MDGA2: variants seen among roughly 807,000 people sequenced by gnomAD.
The protein encoded by MDGA2 is MAM domain containing glycosylphosphatidylinositol anchor 2.
Under a neutral mutation model 117.8 loss-of-function variants are expected in MDGA2, and 40 were observed. The observed-to-expected ratio is 0.34, with a 90% CI of 0.26 to 0.44. The LOEUF (loss-of-function observed/expected upper bound fraction) is 0.44, where lower values mean the gene tolerates loss of function less well. MDGA2 is among the 20% of genes least tolerant of loss of function. MDGA2 has a pLI of 1.00. For missense variants in MDGA2, 1,123 were observed against 1,250.6 expected (o/e 0.90, Z 1.54); for synonymous variants, 452 against 439.0 (o/e 1.03, Z -0.37).
At chr14:47,286,194 A>C (rs182321688) in intron 2 of MDGA2, among the ~76,000 whole-genome samples, 1 of 152,264 alleles carries the variant, frequency 6.6e-6, no homozygotes, top group Non-Finnish European at 1.5e-5. Flanking sequence ...ATTGGAAGTA[A>C]CAATCACCTC....
chr14:47,516,503 G>C (rs1007334547), intron 1 of MDGA2, among the ~76,000 whole-genome samples: 5 of 152,148 alleles, frequency 3.3e-5, no homozygotes, highest in African/African-American at 1.2e-4. Context: ...ATATTCTTGA[G>C]TACAGAGTTT....
At chr14:47,249,585 C>G (rs10137863) in intron 2 of MDGA2, among the ~76,000 whole-genome samples, 21,803 of 152,188 alleles carry the variant, frequency 0.14, 1,832 homozygotes, top group South Asian at 0.27. Context: ...TTCAACCTCG[C>G]AGAGTGCTGG....
intron 5 of MDGA2, among the ~76,000 whole-genome samples, chr14:47,117,083 G>C (rs577354733): frequency 6.6e-5 from 10 of 152,066 alleles, no homozygotes; most frequent in African/African-American, 2.2e-4. Flanking sequence ...CAAATAACCT[G>C]ATTCAAAAAT....
intron 10 of MDGA2, among the ~76,000 whole-genome samples, chr14:46,891,936 T>C (rs1177615965): frequency 1.3e-5 from 2 of 151,832 alleles, no homozygotes; most frequent in African/African-American, 2.4e-5. Flanking sequence ...TGTTATGTAG[T>C]AGAAGTTAAT....
At chr14:47,317,773 G>C (rs1170324450) in intron 1 of MDGA2, among the ~76,000 whole-genome samples, 1 of 152,058 alleles carries the variant, frequency 6.6e-6, no homozygotes, top group South Asian at 2.1e-4. Context: ...ATCACGTTTA[G>C]AATGGCCCAG....
At chr14:47,565,058 T>C (rs1214998821) in intron 1 of MDGA2, among the ~76,000 whole-genome samples, 6 of 152,192 alleles carry the variant, frequency 3.9e-5, no homozygotes, top group Admixed American at 6.5e-5. Flanking sequence ...TTCAACTCTT[T>C]CCTGGATGTT....
In MDGA2 at chr14:47,490,969, G is replaced by A. The variant is rs557315313; in HGVS notation, c.280+183548C>T. 1.2e-4 allele frequency among the ~76,000 whole-genome samples: 19 copies of A among 152,142 alleles called. No homozygotes were observed. The South Asian group carries it at 2.1e-3, about 17-fold the overall frequency. ...CAGAACCTGTGACAAGATTGCTGTC[G>A]AAAGTCCTCTTTTTTGTCTGTTGAA... is the stretch of plus-strand genomic sequence containing the variant. On this transcript the variant is annotated intron_variant, in intron 1 of 16. Transcript: ENST00000399232.
chr14:47,027,243 A>ACGGC (rs952263790), intron 8 of MDGA2, among the ~76,000 whole-genome samples: 6 of 152,100 alleles, frequency 3.9e-5, no homozygotes, highest in Admixed American at 2.0e-4. Flanking sequence ...AAATATCCTT[A>ACGGC]CGGCCTTATG....
chr14:47,101,872 C>A (rs528152326), intron 5 of MDGA2, among the ~76,000 whole-genome samples: 1 of 152,056 alleles, frequency 6.6e-6, no homozygotes, highest in African/African-American at 2.4e-5. Flanking sequence ...TTTTCAAACC[C>A]AAGTATGTAT....
At chr14:47,605,565 A>T (rs1489487293) in intron 1 of MDGA2, among the ~76,000 whole-genome samples, 1 of 152,178 alleles carries the variant, frequency 6.6e-6, no homozygotes, top group African/African-American at 2.4e-5. Context: ...AAATCAGCCC[A>T]GCAAATATTC....
rs146139302 is a variant in MDGA2, at chr14:47,420,646, T to C, written c.281-119096A>G. ...ATTGCTTGCAAAGCTCTGAGCACTG[T>C]AGGACTCCTTTTCTCACTGTAATCC... is the stretch of plus-strand genomic sequence containing the variant. On this transcript the variant is annotated intron_variant, in intron 1 of 16. Coordinates refer to ENST00000399232, the MANE Select transcript of MDGA2 (RefSeq NM_001113498.3). Among the ~76,000 whole-genome samples, 29 of 152,242 alleles carry C rather than the reference T, an allele frequency of 1.9e-4. No individual in the cohort carries two copies. The South Asian group carries it at 3.3e-3, about 17-fold the overall frequency.
intron 1 of MDGA2, among the ~76,000 whole-genome samples, chr14:47,609,271 C>T (rs1045107683): frequency 1.3e-5 from 2 of 150,084 alleles, no homozygotes; most frequent in Non-Finnish European, 3.0e-5. Context: ...TATGCTTTTG[C>T]GTCCTCATAG....
chr14:46,953,889 G>A (rs917657278), intron 9 of MDGA2, among the ~76,000 whole-genome samples: 5 of 152,020 alleles, frequency 3.3e-5, no homozygotes, highest in South Asian at 2.1e-4. Context: ...GTATCTTCAC[G>A]TTCAAAAAAA....
intron 1 of MDGA2, among the ~76,000 whole-genome samples, chr14:47,519,160 A>C (rs1894817326): frequency 6.6e-6 from 1 of 151,568 alleles, no homozygotes; most frequent in Non-Finnish European, 1.5e-5. Flanking sequence ...AGCCGAGATC[A>C]CACCATTTTA....
At chr14:46,913,615 C>A (rs920725049) in intron 10 of MDGA2, among the ~76,000 whole-genome samples, 4 of 152,212 alleles carry the variant, frequency 2.6e-5, no homozygotes, top group African/African-American at 9.6e-5. Flanking sequence ...TCAAACATAT[C>A]TTTTTTGCTT....
At position 47,035,041 on chromosome 14, in the gene MDGA2, T is replaced by G; in HGVS notation, c.1789A>C (p.Arg597=). 6.2e-7 allele frequency: 1 copy of G among 1,613,988 alleles called. No individual in the cohort carries two copies. The highest frequency in any genetic ancestry group is 8.5e-7 in the Non-Finnish European group (1 of 1,179,912). ...SQYNGFNVKP[R]EALVQLIVQY... ...ACGATGAGCTGCACCAAGGCTTCCC[T>G]TGGTTTCACGTTAAATCCATTGTAT... The change falls in exon 8 of 17, where the codon AGG becomes CGG. Residue 597 remains arginine (R), a synonymous_variant. Transcript: ENST00000399232.
At chr14:47,566,055 C>T (rs1895912834) in intron 1 of MDGA2, among the ~76,000 whole-genome samples, 1 of 152,228 alleles carries the variant, frequency 6.6e-6, no homozygotes, top group African/African-American at 2.4e-5. Context: ...CATACATCCA[C>T]ATGCCAGCAG....
intron 1 of MDGA2, among the ~76,000 whole-genome samples, chr14:47,410,675 C>T (rs967888314): frequency 3.3e-5 from 5 of 152,204 alleles, no homozygotes; most frequent in African/African-American, 1.2e-4. Flanking sequence ...CTTTTCAAAG[C>T]TTATTATTCT....
chr14:47,042,610 C>T (rs1361811393), intron 7 of MDGA2, among the ~76,000 whole-genome samples: 1 of 152,038 alleles, frequency 6.6e-6, no homozygotes, highest in South Asian at 2.1e-4. Context: ...TGGATATACT[C>T]GGATTTTGAA....
Sources: gnomAD v4.1 joint callset for allele counts (sites outside exome capture counted in the v4.1 genomes callset) on GRCh38, gnomAD v4.1.1 for gene constraint, MANE v1.5 for transcripts, NCBI Gene and HGNC (gene_info 2026-07-23, HGNC 2026-07-21) for gene names.